The following ARHGEF3 variants were observed in gnomAD, a reference collection of about 807,000 sequenced individuals.
ARHGEF3 encodes the protein 59.8 kDA protein.
Under a neutral mutation model 63.2 loss-of-function variants are expected in ARHGEF3, and 28 were observed. The observed-to-expected ratio is 0.44, with a 90% CI of 0.33 to 0.61. The LOEUF (loss-of-function observed/expected upper bound fraction) is 0.61. Ranked by LOEUF, ARHGEF3 falls within the 20% of genes least tolerant of loss-of-function variation. The probability of loss-of-function intolerance (pLI) is 0.03; values close to 1 mark genes in which losing one functional copy is unlikely to be tolerated. For synonymous variants in ARHGEF3, 266 were observed against 254.2 expected, an observed-to-expected ratio of 1.05 and a Z score of -0.44; for missense variants, 533 against 659.3, an observed-to-expected ratio of 0.81 and a Z score of 2.10.
intron 4 of ARHGEF3, among the ~76,000 whole-genome samples, chr3:56,825,295 C>T (rs1277568063): frequency 1.3e-5 from 2 of 152,234 alleles, no homozygotes; most frequent in African/African-American, 4.8e-5. Flanking sequence ...CACTCCACGC[C>T]ACATTCTTCA....
chr3:56,793,610 A>G (rs57982201), intron 1 of ARHGEF3, among the ~76,000 whole-genome samples: 2,041 of 152,254 alleles, frequency 0.013, 44 homozygotes, highest in African/African-American at 0.046. Flanking sequence ...GCTTGGTTTT[A>G]TTATGTCTTA....
chr3:56,740,283 C>G (rs919183729), intron 7 of ARHGEF3, among the ~76,000 whole-genome samples: 5 of 151,444 alleles, frequency 3.3e-5, no homozygotes, highest in South Asian at 4.2e-4. Context: ...AAAAAAAAAC[C>G]CTTATTTTAA....
At chr3:56,744,522 C>A (rs1431463359) in intron 7 of ARHGEF3, among the ~76,000 whole-genome samples, 2 of 151,902 alleles carry the variant, frequency 1.3e-5, no homozygotes, top group African/African-American at 2.4e-5. Context: ...CCTCACCTTC[C>A]TGAGTAGCTG....
rs182982258 is a variant in ARHGEF3 at position 56,989,463 on chromosome 3, C to G, written c.63-30574G>C. 3.4e-3 allele frequency among the ~76,000 whole-genome samples: 514 copies of G among 152,278 alleles called. 16 individuals are homozygous for G. Among genetic ancestry groups the G allele is most frequent in the Admixed American group, 0.031 (468 of 15,300 alleles). The stretch of plus-strand genomic sequence containing the variant: ...CCTCTTGACTAGACTCCAAAGTGTA[C>G]AGAGAGACACTCCGAGCCAAAACTG... On this transcript the variant is annotated intron_variant, in intron 2 of 12. Coordinates refer to the ARHGEF3 transcript ENST00000338458.
At chr3:56,872,183 T>C (rs554676949) in intron 4 of ARHGEF3, among the ~76,000 whole-genome samples, 98 of 152,290 alleles carry the variant, frequency 6.4e-4, no homozygotes, top group African/African-American at 1.9e-3. Context: ...ACAGTCTTTG[T>C]GGGGAAAGGG....
At chr3:56,838,656 A>C (rs1017649232) in intron 4 of ARHGEF3, among the ~76,000 whole-genome samples, 2 of 152,228 alleles carry the variant, frequency 1.3e-5, no homozygotes, top group African/African-American at 4.8e-5. Context: ...AGAGAGAAGC[A>C]ACAGCTGACA....
At chr3:56,786,658 C>T (rs1407634334) in intron 1 of ARHGEF3, among the ~76,000 whole-genome samples, 1 of 152,052 alleles carries the variant, frequency 6.6e-6, no homozygotes, top group Non-Finnish European at 1.5e-5. Flanking sequence ...GAACTCTCAG[C>T]AATTAATATG....
chr3:57,001,909 G>A (rs1381701113), intron 2 of ARHGEF3, among the ~76,000 whole-genome samples: 4 of 146,902 alleles, frequency 2.7e-5, no homozygotes, highest in Non-Finnish European at 4.5e-5. Flanking sequence ...AACCCAAAGT[G>A]AGATAGTTTT....
rs754310641 is a variant in ARHGEF3, at chr3:56,843,779, TAAG to T, written c.192+38510_192+38512del. ...CTTTTTCTCAGAGAGCAATGATATATAAGAAGAAGATTCCCTTTACTTTCTGCC... is the reference window on the plus strand; with the variant it reads ...CTTTTTCTCAGAGAGCAATGATATATAAGAAGATTCCCTTTACTTTCTGCC... On this transcript the variant is annotated intron_variant, in intron 4 of 12. Coordinates refer to the ARHGEF3 transcript ENST00000338458. Among the ~76,000 whole-genome samples, 21 of 152,318 alleles carry T rather than the reference TAAG, an allele frequency of 1.4e-4. No homozygotes were observed. The South Asian group carries it at 2.1e-3, about 15-fold the overall frequency.
chr3:56,856,063 C>T (rs573913942), intron 4 of ARHGEF3, among the ~76,000 whole-genome samples: 1 of 152,242 alleles, frequency 6.6e-6, no homozygotes, highest in Admixed American at 6.5e-5. Flanking sequence ...GGGGCCCTGC[C>T]GCAGAGGAGG....
chr3:56,992,375 TAAAAAAAAAAAAAAAAAA>T (rs57740672), intron 2 of ARHGEF3, among the ~76,000 whole-genome samples: 2,615 of 46,158 alleles, frequency 0.057, 112 homozygotes, highest in African/African-American at 0.099. Context: ...AGGATGGCTT[TAAAAAAAAAAAAAAAAAA>T]AAAAAAAAAA....
intron 1 of ARHGEF3, chr3:57,075,107 C>G (rs1224457155): frequency 6.0e-6 from 1 of 167,104 alleles, no homozygotes; most frequent in Non-Finnish European, 1.5e-5. Context: ...ATGCAATTGT[C>G]CATGAGGCTG....
intron 1 of ARHGEF3, among the ~76,000 whole-genome samples, chr3:56,783,777 G>A (rs1413456671): frequency 1.3e-5 from 2 of 152,128 alleles, no homozygotes; most frequent in African/African-American, 4.8e-5. Flanking sequence ...AAAGTTACTC[G>A]TTTTAGTCAA....
At chr3:56,849,004 G>A (rs1002504688) in intron 4 of ARHGEF3, among the ~76,000 whole-genome samples, 5 of 152,146 alleles carry the variant, frequency 3.3e-5, no homozygotes, top group East Asian at 1.9e-4. Context: ...ATGTACCAGC[G>A]GCTTTTTAAA....
chr3:56,734,210 C>T lies in ARHGEF3; in HGVS notation c.1042-1786G>A, dbSNP rs182628430. Among the ~76,000 whole-genome samples the T allele has an allele frequency of 3.9e-5, 6 of 152,218 alleles. No individual in the cohort carries two copies. The East Asian group carries it at 1.2e-3, about 29-fold the overall frequency. ...ATTCAATGCTAAGTGCCAGACTCTT[C>T]TCACACTTTGGAAATGCTTACGAAC... On this transcript the variant is annotated intron_variant, in intron 8 of 9. Transcript: ENST00000296315.
chr3:56,867,462 T>G (rs544433474), intron 4 of ARHGEF3, among the ~76,000 whole-genome samples: 1 of 45,494 alleles, frequency 2.2e-5, no homozygotes, highest in East Asian at 1.6e-3. Flanking sequence ...AAATGCTATT[T>G]ATTTATTTAT....
At chr3:56,851,990 T>C (rs2039691334) in intron 4 of ARHGEF3, among the ~76,000 whole-genome samples, 1 of 152,226 alleles carries the variant, frequency 6.6e-6, no homozygotes, top group South Asian at 2.1e-4. Flanking sequence ...AAAATGTCAG[T>C]GGTTACAGGT....
chr3:56,928,742 A>C lies in ARHGEF3; in HGVS notation c.129+30081T>G, dbSNP rs1186985540. 2.0e-5 allele frequency among the ~76,000 whole-genome samples: 3 copies of C among 152,256 alleles called. No homozygotes were observed. In the South Asian group the frequency reaches 6.2e-4, roughly 32 times the overall value. Reference sequence around the variant, plus strand: ...CCAGTGAACTGCCACCTAAGGAAAAACTGTGCCAAGAAACAGCCAGGGTTG... The same window carrying C: ...CCAGTGAACTGCCACCTAAGGAAAACCTGTGCCAAGAAACAGCCAGGGTTG... On this transcript the variant is annotated intron_variant, in intron 3 of 12. Transcript: ENST00000338458.
chr3:56,888,858 G>A (rs1302938407), intron 3 of ARHGEF3, among the ~76,000 whole-genome samples: 9 of 151,784 alleles, frequency 5.9e-5, no homozygotes, highest in African/African-American at 1.9e-4. Flanking sequence ...AGCCGAGATC[G>A]CACCATTGCA....
Sources: gnomAD v4.1 joint callset for allele counts (sites outside exome capture counted in the v4.1 genomes callset) on GRCh38, gnomAD v4.1.1 for gene constraint, MANE v1.5 for transcripts, NCBI Gene and HGNC (gene_info 2026-07-23, HGNC 2026-07-21) for gene names.